ATP2B3: variants seen among roughly 807,000 people sequenced by gnomAD.
ATP2B3 encodes plasma membrane calcium-transporting ATPase 3.
Under a neutral mutation model 70.8 loss-of-function variants are expected in ATP2B3, and 12 were observed. The ratio of observed to expected loss-of-function variants is 0.17; its 90% CI spans 0.11 to 0.27. The LOEUF (loss-of-function observed/expected upper bound fraction) is 0.27, where lower values mean the gene tolerates loss of function less well. ATP2B3 is among the 10% of genes least tolerant of loss of function. The pLI is 1.00. For synonymous variants in ATP2B3, 460 were observed against 497.8 expected (o/e 0.92, Z 1.01); for missense variants, 858 against 1,118.5 (o/e 0.77, Z 3.32).
chrX:153,533,408 G>A lies in ATP2B3; in HGVS notation c.-126-2714G>A, dbSNP rs372654453. Reference sequence around the variant, plus strand: ...GTGGAGCTGGAACAGAGGGCGTGCGGTCGGGGCTCAGAGCTGGCAGGGCTG... The same window carrying A: ...GTGGAGCTGGAACAGAGGGCGTGCGATCGGGGCTCAGAGCTGGCAGGGCTG... On this transcript the variant is annotated intron_variant, in intron 2 of 21. Coordinates refer to ENST00000263519, the MANE Select transcript of ATP2B3 (RefSeq NM_001001344.3). 2.1e-4 allele frequency among the ~76,000 whole-genome samples: 24 copies of A among 111,749 alleles called. No individual in the cohort carries two copies. In the East Asian group the frequency reaches 6.2e-3, roughly 29 times the overall value.
Position 153,561,015 on chromosome X carries a change from C to T in ATP2B3, c.3051+128C>T, listed in dbSNP as rs1603102057. On this transcript the variant is annotated intron_variant, in intron 19 of 21. Coordinates refer to ENST00000263519, the MANE Select transcript of ATP2B3 (RefSeq NM_001001344.3). ...CACTCCCAGAAGGAGCCCCACCCCA[C>T]CTGGCTTTCCTGTAGCCCCCGTCCT... 34 of 729,461 alleles carry T rather than the reference C, an allele frequency of 4.7e-5. No individual in the cohort carries two copies. In the East Asian group the frequency reaches 1.1e-3, roughly 24 times the overall value. 60.1% of individuals were successfully genotyped at this position (729,461 alleles called of 1,213,427 possible).
In ATP2B3 at chrX:153,550,275, C is replaced by T. The variant is rs1449770219; in HGVS notation, c.1812C>T (p.Ile604=). The change falls in exon 12 of 22, where the codon ATC becomes ATT. Residue 604 remains isoleucine, a synonymous_variant. Coordinates refer to ENST00000263519, the MANE Select transcript of ATP2B3 (RefSeq NM_001001344.3). ...TCTTCAGCAAGGGGGCCTCAGAGAT[C>T]CTCTTGAAAAAGTGAGTGAGCAGCA... The part of the protein sequence containing the change: ...FRLFSKGASE[I]LLKKCTNILN... The T allele has an allele frequency of 9.9e-6, 12 of 1,210,397 alleles. No individual in the cohort carries two copies. The highest frequency in any genetic ancestry group is 1.3e-5 in the Non-Finnish European group (12 of 894,787).
intron 3 of ATP2B3, among the ~76,000 whole-genome samples, chrX:153,537,583 G>T (rs968770857): frequency 7.1e-5 from 8 of 113,172 alleles, no homozygotes; most frequent in Non-Finnish European, 1.5e-4. Flanking sequence ...GGGTCTGCCT[G>T]GGTCTCCCTA....
intron 16 of ATP2B3, among the ~76,000 whole-genome samples, chrX:153,557,497 G>A (rs1360976524): frequency 8.9e-6 from 1 of 112,233 alleles, no homozygotes; most frequent in African/African-American, 3.2e-5. Flanking sequence ...GCAACCTGGT[G>A]AGCCCCTCTC....
At chrX:153,531,797 C>T (rs2090121836) in intron 2 of ATP2B3, among the ~76,000 whole-genome samples, 1 of 112,757 alleles carries the variant, frequency 8.9e-6, no homozygotes, top group Non-Finnish European at 1.9e-5. Flanking sequence ...CACGCAGACC[C>T]CAGAAACTGA....
chrX:153,537,084 G>A (rs782110749), intron 3 of ATP2B3, among the ~76,000 whole-genome samples: 1 of 112,956 alleles, frequency 8.9e-6, no homozygotes, highest in South Asian at 3.6e-4. Flanking sequence ...TGCTGAGGGA[G>A]GCTCTAGAAA....
chrX:153,540,891 C>A (rs2090269514), intron 3 of ATP2B3, among the ~76,000 whole-genome samples: 1 of 112,360 alleles, frequency 8.9e-6, no homozygotes, highest in Non-Finnish European at 1.9e-5. Context: ...GCTCTCCTCC[C>A]CAGGGGACCA....
intron 12 of ATP2B3, among the ~76,000 whole-genome samples, chrX:153,551,164 G>A (rs147962115): frequency 0.014 from 1,561 of 112,396 alleles, 22 homozygotes; most frequent in Middle Eastern, 0.032. Context: ...GGGCAGCACC[G>A]TTTCACATTC....
At chrX:153,569,894 A>G (rs898937903) in intron 21 of ATP2B3, 15 of 694,465 alleles carry the variant, frequency 2.2e-5, no homozygotes, top group Non-Finnish European at 3.2e-5. Context: ...CGCCCTGTCC[A>G]GTCCTTCCCG....
intron 2 of ATP2B3, among the ~76,000 whole-genome samples, chrX:153,526,417 GC>G (rs1366466960): frequency 9.0e-6 from 1 of 111,636 alleles, no homozygotes; most frequent in African/African-American, 3.3e-5. Context: ...CTCTGCCTCT[GC>G]ACTCCCTTCA....
chrX:153,527,914 G>T (rs2090059134), intron 2 of ATP2B3, among the ~76,000 whole-genome samples: 1 of 112,676 alleles, frequency 8.9e-6, no homozygotes, highest in African/African-American at 3.2e-5. Flanking sequence ...GATCTCCTGG[G>T]CTTGAAGGAA....
chrX:153,551,973 G>T, intron 12 of ATP2B3, among the ~76,000 whole-genome samples: 1 of 112,464 alleles, frequency 8.9e-6, no homozygotes, highest in Non-Finnish European at 1.9e-5. Flanking sequence ...GCTCCTTCCT[G>T]TGTTCTGCGG....
At position 153,549,523 on chromosome X, in the gene ATP2B3, G is replaced by T; in HGVS notation, c.1365G>T (p.Val455=). 1 of 1,211,880 alleles carries T rather than the reference G, an allele frequency of 8.3e-7. No individual in the cohort carries two copies. The highest frequency in any genetic ancestry group is 1.1e-6 in the Non-Finnish European group (1 of 895,492). ...VKKMMKDNNL[V]RHLDACETMG... is the part of the protein sequence containing the mutation. ...AAATGATGAAAGACAACAACCTGGT[G>T]CGCCACCTGGATGCCTGCGAGACCA... The change falls in exon 11 of 22, where the codon GTG becomes GTT. Residue 455 remains valine, a synonymous_variant. Coordinates refer to ENST00000263519, the MANE Select transcript of ATP2B3 (RefSeq NM_001001344.3).
chrX:153,577,114 C>G (rs1342429793), intron 21 of ATP2B3, among the ~76,000 whole-genome samples: 1 of 112,868 alleles, frequency 8.9e-6, no homozygotes, highest in African/African-American at 3.2e-5. Context: ...GTCACTTGTG[C>G]ATTCCCCAAG....
At position 153,550,291 on chromosome X, in the gene ATP2B3, G is replaced by A; in HGVS notation, c.1823+5G>A. 8.3e-7 allele frequency: 1 copy of A among 1,210,269 alleles called. No individual in the cohort carries two copies. The highest frequency in any genetic ancestry group is 1.1e-6 in the Non-Finnish European group (1 of 893,822). ...CTCAGAGATCCTCTTGAAAAAGTGA[G>A]TGAGCAGCAGGGAGGTGCCGGGGTA... On this transcript the variant is annotated splice_donor_5th_base_variant and intron_variant, in intron 12 of 21. Transcript: ENST00000263519.
chrX:153,526,447 C>A (rs781785169), intron 2 of ATP2B3, among the ~76,000 whole-genome samples: 1 of 111,763 alleles, frequency 8.9e-6, no homozygotes, highest in East Asian at 2.9e-4. Flanking sequence ...TGGAGCACGG[C>A]AGGAACTTGG....
intron 8 of ATP2B3, among the ~76,000 whole-genome samples, chrX:153,547,561 T>C (rs185213960): frequency 8.9e-6 from 1 of 111,751 alleles, no homozygotes; most frequent in East Asian, 2.8e-4. Context: ...CCTGTCTGTG[T>C]GCCCAAAAGC....
intron 21 of ATP2B3, among the ~76,000 whole-genome samples, chrX:153,566,734 C>A (rs2078600393): frequency 9.0e-6 from 1 of 110,952 alleles, no homozygotes; most frequent in East Asian, 2.9e-4. Context: ...ACACCTGCAC[C>A]CCTGCACCCC....
At chrX:153,520,818 G>C (rs1213977510) in intron 2 of ATP2B3, among the ~76,000 whole-genome samples, 1 of 112,332 alleles carries the variant, frequency 8.9e-6, no homozygotes, top group Non-Finnish European at 1.9e-5. Flanking sequence ...AGTGTGGTTC[G>C]TGTGAACTCA....
Sources: allele counts gnomAD v4.1 joint callset (sites outside exome capture counted in the v4.1 genomes callset), GRCh38; gene constraint gnomAD v4.1.1; transcripts MANE v1.5; gene names NCBI Gene and HGNC (gene_info 2026-07-23, HGNC 2026-07-21).